The following SLC8A1 variants were observed in gnomAD, a reference collection of about 807,000 sequenced individuals.
SLC8A1 encodes sodium/calcium exchanger 1.
In SLC8A1, 18 loss-of-function variants were observed where a neutral mutation model predicts 68.3. That is an observed-to-expected ratio of 0.26 (90% CI 0.18 to 0.39). The LOEUF (loss-of-function observed/expected upper bound fraction) is 0.39. Among genes scored for constraint, SLC8A1 ranks in the 10% least tolerant of loss-of-function variants. The probability of loss-of-function intolerance (pLI) is 1.00; values close to 1 mark genes in which losing one functional copy is unlikely to be tolerated. For missense variants in SLC8A1, 985 were observed against 1,156.7 expected, an observed-to-expected ratio of 0.85 and a Z score of 2.15; for synonymous variants, 475 against 415.5, an observed-to-expected ratio of 1.14 and a Z score of -1.74.
At chr2:40,500,130 AAAC>A (rs1207667643) in intron 1 of SLC8A1, among the ~76,000 whole-genome samples, 1 of 150,788 alleles carries the variant, frequency 6.6e-6, no homozygotes, top group Non-Finnish European at 1.5e-5. Context: ...ACTTTTTAAA[AAAC>A]AAACAAACAA....
At chr2:40,155,986 C>G (rs1250452779) in intron 6 of SLC8A1, among the ~76,000 whole-genome samples, 1 of 152,180 alleles carries the variant, frequency 6.6e-6, no homozygotes, top group Non-Finnish European at 1.5e-5. Context: ...ATAGGCACTT[C>G]TGAATCATCA....
intron 2 of SLC8A1, among the ~76,000 whole-genome samples, chr2:40,180,220 T>G (rs1345037663): frequency 1.3e-5 from 1 of 74,630 alleles, no homozygotes; most frequent in Non-Finnish European, 3.3e-5. Context: ...AATTATTTTT[T>G]AAATTTGCAT....
At chr2:40,289,087 C>T (rs543533858) in intron 2 of SLC8A1, among the ~76,000 whole-genome samples, 1 of 151,390 alleles carries the variant, frequency 6.6e-6, no homozygotes, top group Non-Finnish European at 1.5e-5. Context: ...TGCTAAAATA[C>T]GATGACTGAT....
chr2:40,287,792 A>G (rs1460419429), intron 2 of SLC8A1, among the ~76,000 whole-genome samples: 1 of 151,966 alleles, frequency 6.6e-6, no homozygotes, highest in Admixed American at 6.6e-5. Context: ...CCTAGAGGGC[A>G]GAGAGGAAGC....
At chr2:40,365,420 G>C (rs555842611) in intron 2 of SLC8A1, among the ~76,000 whole-genome samples, 19 of 152,082 alleles carry the variant, frequency 1.2e-4, no homozygotes, top group Admixed American at 8.5e-4. Flanking sequence ...ACAATTATCC[G>C]AATATTTGGT....
intron 2 of SLC8A1, among the ~76,000 whole-genome samples, chr2:40,427,458 C>T (rs183022213): frequency 6.6e-6 from 1 of 152,134 alleles, no homozygotes; most frequent in East Asian, 1.9e-4. Context: ...TTCATTTTAA[C>T]GTCGTTTGTT....
intron 2 of SLC8A1, among the ~76,000 whole-genome samples, chr2:40,215,930 C>T (rs1038541835): frequency 2.0e-5 from 3 of 151,468 alleles, no homozygotes; most frequent in Non-Finnish European, 2.9e-5. Context: ...CTCCTCTGCA[C>T]TGGTGTCATA....
chr2:40,309,416 T>G (rs1000882606), intron 2 of SLC8A1, among the ~76,000 whole-genome samples: 1 of 152,126 alleles, frequency 6.6e-6, no homozygotes, highest in African/African-American at 2.4e-5. Context: ...CCTGATTCTA[T>G]GATCTCCCTA....
chr2:40,385,114 T>C (rs1175448986), intron 2 of SLC8A1, among the ~76,000 whole-genome samples: 1 of 152,090 alleles, frequency 6.6e-6, no homozygotes, highest in Admixed American at 6.6e-5. Flanking sequence ...GTACTTTTGA[T>C]CCTGTAGTGA....
chr2:40,309,165 G>C (rs1379650985), intron 2 of SLC8A1, among the ~76,000 whole-genome samples: 2 of 152,140 alleles, frequency 1.3e-5, no homozygotes, highest in Non-Finnish European at 2.9e-5. Flanking sequence ...ACATACCAAG[G>C]TGACAGTGCT....
intron 1 of SLC8A1, among the ~76,000 whole-genome samples, chr2:40,479,911 T>C (rs1186030525): frequency 6.6e-6 from 1 of 152,292 alleles, no homozygotes; most frequent in East Asian, 1.9e-4. Flanking sequence ...GGGCCAGTAA[T>C]TAATGTACCA....
chr2:40,440,483 T>TA (rs894653200), intron 1 of SLC8A1, among the ~76,000 whole-genome samples: 7 of 152,162 alleles, frequency 4.6e-5, no homozygotes, highest in South Asian at 2.1e-4. Flanking sequence ...ATTCATTCAT[T>TA]AAAAAAAATC....
chr2:40,353,452 G>C (rs1202671742), intron 2 of SLC8A1, among the ~76,000 whole-genome samples: 1 of 151,950 alleles, frequency 6.6e-6, no homozygotes, highest in African/African-American at 2.4e-5. Flanking sequence ...TATGGAAAAT[G>C]GCTCTGACCC....
At chr2:40,201,912 C>G (rs1187644533) in intron 2 of SLC8A1, among the ~76,000 whole-genome samples, 8 of 151,898 alleles carry the variant, frequency 5.3e-5, no homozygotes, top group Non-Finnish European at 1.2e-4. Context: ...GGCTTACAAC[C>G]TACATATCTA....
intron 1 of SLC8A1, among the ~76,000 whole-genome samples, chr2:40,440,916 A>T (rs1170888373): frequency 1.3e-5 from 2 of 152,152 alleles, no homozygotes; most frequent in East Asian, 1.9e-4. Flanking sequence ...ATTGTATTGG[A>T]AGTTCTGGCC....
chr2:40,430,839 G>C (rs937613054), intron 1 of SLC8A1, among the ~76,000 whole-genome samples: 3 of 152,090 alleles, frequency 2.0e-5, no homozygotes, highest in African/African-American at 7.2e-5. Context: ...ACAAGGCCTG[G>C]TGATTATCTT....
At chr2:40,467,765 T>A (rs1342671571) in intron 1 of SLC8A1, among the ~76,000 whole-genome samples, 3 of 152,168 alleles carry the variant, frequency 2.0e-5, no homozygotes, top group Admixed American at 2.0e-4. Context: ...CACTTTTGCA[T>A]TCACTAGTAT....
intron 2 of SLC8A1, among the ~76,000 whole-genome samples, chr2:40,285,589 CAAG>C (rs1043249152): frequency 6.6e-6 from 1 of 152,060 alleles, no homozygotes; most frequent in African/African-American, 2.4e-5. Flanking sequence ...CACAGACAGA[CAAG>C]AAGAAGATAG....
intron 2 of SLC8A1, among the ~76,000 whole-genome samples, chr2:40,410,015 G>C (rs1691606475): frequency 6.6e-6 from 1 of 152,160 alleles, no homozygotes; most frequent in Non-Finnish European, 1.5e-5. Flanking sequence ...GAAAAAAAGG[G>C]GGAGGGGAGA....
Sources: gnomAD v4.1 joint callset for allele counts (sites outside exome capture counted in the v4.1 genomes callset) on GRCh38, gnomAD v4.1.1 for gene constraint, MANE v1.5 for transcripts, NCBI Gene and HGNC (gene_info 2026-07-23, HGNC 2026-07-21) for gene names.